LINGO2: variants seen among roughly 807,000 people sequenced by gnomAD.
LINGO2 encodes the protein leucine-rich repeat and immunoglobulin-like domain-containing nogo receptor-interacting protein 2.
Under a neutral mutation model 30.6 loss-of-function variants are expected in LINGO2, and 14 were observed. The ratio of observed to expected loss-of-function variants is 0.46; its 90% CI spans 0.30 to 0.72. The LOEUF (loss-of-function observed/expected upper bound fraction) is 0.72, where lower values mean the gene tolerates loss of function less well. LINGO2 is among the 30% of genes least tolerant of loss of function. The pLI, the probability that LINGO2 is intolerant of heterozygous loss-of-function variation, is 0.07. For synonymous variants in LINGO2, 317 were observed against 288.5 expected (o/e 1.10, Z -1.00); for missense variants, 729 against 751.7 (o/e 0.97, Z 0.35).
chr9:28,001,697 C>T (rs951524104), intron 5 of LINGO2, among the ~76,000 whole-genome samples: 2 of 136,132 alleles, frequency 1.5e-5, no homozygotes, highest in African/African-American at 5.0e-5. Context: ...AAGCAGGGGG[C>T]AGAAAGGAAA....
chr9:28,302,566 G>C (rs1389484177), intron 3 of LINGO2, among the ~76,000 whole-genome samples: 1 of 152,120 alleles, frequency 6.6e-6, no homozygotes, highest in Non-Finnish European at 1.5e-5. Context: ...AGCTACTCAG[G>C]AGGCTGAGTT....
At chr9:28,790,325 C>CTTTCTTTTTTTTTTTTTTTT in the LINGO2 span, among the ~76,000 whole-genome samples, 38 of 106,270 alleles carry the variant, frequency 3.6e-4, 3 homozygotes, top group African/African-American at 1.4e-3. Flanking sequence ...TCTTTTCTTT[C>CTTTCTTTTTTTTTTTTTTTT]TTTTTTTTTT....
chr9:29,202,438 A>ATACTTG, the LINGO2 span, among the ~76,000 whole-genome samples: 1 of 151,994 alleles, frequency 6.6e-6, no homozygotes, highest in Non-Finnish European at 1.5e-5. Context: ...ACTGCTTCCA[A>ATACTTG]CATCTAAAAA....
the LINGO2 span, among the ~76,000 whole-genome samples, chr9:28,997,827 A>G: frequency 8.0e-6 from 1 of 124,320 alleles, no homozygotes; most frequent in African/African-American, 3.0e-5. Context: ...TGTCTCAAAA[A>G]AAAACAAAAC....
intron 5 of LINGO2, among the ~76,000 whole-genome samples, chr9:27,981,551 G>GAAAAAAAGA (rs1820865916): frequency 3.4e-5 from 3 of 87,142 alleles, no homozygotes; most frequent in Non-Finnish European, 4.6e-5. Flanking sequence ...AAAAAAAAAA[G>GAAAAAAAGA]AAAAAAAAGA....
chr9:28,665,407 A>G (rs1200208247), intron 1 of LINGO2, among the ~76,000 whole-genome samples: 3 of 152,102 alleles, frequency 2.0e-5, no homozygotes, highest in Non-Finnish European at 4.4e-5. Flanking sequence ...CCACACACAC[A>G]CATGCAAATA....
intron 4 of LINGO2, among the ~76,000 whole-genome samples, chr9:28,039,486 C>T (rs1824100378): frequency 6.6e-6 from 1 of 151,866 alleles, no homozygotes; most frequent in African/African-American, 2.4e-5. Flanking sequence ...TCTAGGTTGC[C>T]TTGAAGGATG....
At chr9:28,003,339 A>AT (rs1822063013) in intron 5 of LINGO2, among the ~76,000 whole-genome samples, 1 of 113,956 alleles carries the variant, frequency 8.8e-6, no homozygotes, top group Non-Finnish European at 1.9e-5. Flanking sequence ...AGATATATAG[A>AT]TATATAGATA....
chr9:28,109,012 C>T (rs1826686361), intron 4 of LINGO2, among the ~76,000 whole-genome samples: 1 of 152,124 alleles, frequency 6.6e-6, no homozygotes, highest in Non-Finnish European at 1.5e-5. Context: ...TACTGGCAAG[C>T]CAAATCCAGC....
chr9:29,068,481 T>C, the LINGO2 span, among the ~76,000 whole-genome samples: 1 of 151,818 alleles, frequency 6.6e-6, no homozygotes, highest in Admixed American at 6.6e-5. Flanking sequence ...AAGCTTTCAA[T>C]GTCAATATAA....
chr9:28,012,986 C>T (rs1014683931), intron 4 of LINGO2, among the ~76,000 whole-genome samples: 3 of 151,940 alleles, frequency 2.0e-5, no homozygotes, highest in Non-Finnish European at 2.9e-5. Context: ...AAGAATGCTG[C>T]GTGAGATTTT....
chr9:28,459,569 T>TTTAG (rs1433843982), intron 2 of LINGO2, among the ~76,000 whole-genome samples: 1 of 152,070 alleles, frequency 6.6e-6, no homozygotes, highest in Non-Finnish European at 1.5e-5. Context: ...TGAATGAACA[T>TTTAG]TTAGTATGAA....
rs149870586 is a variant in LINGO2 at position 27,961,061 on chromosome 9, C to T, written c.-35-10355G>A. Among the ~76,000 whole-genome samples, 99 of 152,288 alleles carry T rather than the reference C, an allele frequency of 6.5e-4. 1 individual carries two copies. Among genetic ancestry groups the T allele is most frequent in the African/African-American group, 2.3e-3 (97 of 41,580 alleles). On this transcript the variant is annotated intron_variant, in intron 5 of 5. Transcript: ENST00000379992. Reference sequence around the variant, plus strand: ...AGAAACTGTATTCTGAGTGCCCATACAACCATTCTGTTTTCCCATTTCAGT... The same window carrying T: ...AGAAACTGTATTCTGAGTGCCCATATAACCATTCTGTTTTCCCATTTCAGT...
At chr9:29,199,256 T>A in the LINGO2 span, among the ~76,000 whole-genome samples, 3 of 152,084 alleles carry the variant, frequency 2.0e-5, no homozygotes, top group Non-Finnish European at 4.4e-5. Flanking sequence ...TCAAAACTCA[T>A]TAATCAGAAC....
At position 28,052,896 on chromosome 9, in the gene LINGO2, G is replaced by A. The variant is rs10968306; in HGVS notation, c.-86-40491C>T. 5.6e-4 allele frequency among the ~76,000 whole-genome samples: 85 copies of A among 152,188 alleles called. No homozygotes were observed. In the East Asian group the frequency reaches 0.013, roughly 24 times the overall value. On this transcript the variant is annotated intron_variant, in intron 4 of 5. Coordinates refer to ENST00000379992, the Ensembl canonical transcript of LINGO2. ...TTGCAATATCTAGATAATTGCTACT[G>A]TACTCCACATCTATGTGTACAAGTA...
chr9:29,130,437 C>T, the LINGO2 span, among the ~76,000 whole-genome samples: 1 of 151,990 alleles, frequency 6.6e-6, no homozygotes, highest in African/African-American at 2.4e-5. Context: ...CAATCCTCTG[C>T]AAAAGTGGAA....
the LINGO2 span, among the ~76,000 whole-genome samples, chr9:29,140,004 A>G: frequency 1.3e-5 from 2 of 152,154 alleles, no homozygotes; most frequent in Admixed American, 6.6e-5. Context: ...ATTGAAATTT[A>G]CATGCAAAAA....
At chr9:28,844,083 C>A in the LINGO2 span, among the ~76,000 whole-genome samples, 778 of 151,896 alleles carry the variant, frequency 5.1e-3, 17 homozygotes, top group East Asian at 0.054. Flanking sequence ...CAGGAAACGT[C>A]GGGCACAGTG....
chr9:28,782,950 AGGGTGTT>A, the LINGO2 span, among the ~76,000 whole-genome samples: 1 of 152,192 alleles, frequency 6.6e-6, no homozygotes, highest in African/African-American at 2.4e-5. Context: ...AAACCTGTAC[AGGGTGTT>A]ACTGTACTGA....
Sources: allele counts gnomAD v4.1 joint callset (sites outside exome capture counted in the v4.1 genomes callset), GRCh38; gene constraint gnomAD v4.1.1; transcripts MANE v1.5; gene names NCBI Gene and HGNC (gene_info 2026-07-23, HGNC 2026-07-21).